Variants in DOCK1 observed in about 807,000 individuals in gnomAD.
DOCK1 encodes the protein dedicator of cytokinesis protein 1.
DOCK1 carries 138 observed loss-of-function variants against 262.7 expected under a neutral mutation model. That is an observed-to-expected ratio of 0.53 (90% CI 0.46 to 0.61). The LOEUF (loss-of-function observed/expected upper bound fraction) is 0.61, where lower values mean the gene tolerates loss of function less well. Among genes scored for constraint, DOCK1 ranks in the 20% least tolerant of loss-of-function variants. DOCK1 has a pLI of 0.00. For missense variants in DOCK1, 1,908 were observed against 2,370.7 expected, an observed-to-expected ratio of 0.80 and a Z score of 4.05; for synonymous variants, 866 against 867.4, an observed-to-expected ratio of 1.00 and a Z score of 0.03.
At chr10:126,918,289 G>A (rs1293007467) in intron 1 of DOCK1, among the ~76,000 whole-genome samples, 5 of 151,968 alleles carry the variant, frequency 3.3e-5, no homozygotes, top group South Asian at 2.1e-4. Context: ...GCTGATGCCC[G>A]GTATCCACCA....
intron 23 of DOCK1, among the ~76,000 whole-genome samples, chr10:127,103,464 GAGATGAAGAA>G (rs751356587): frequency 1.8e-4 from 27 of 152,176 alleles, no homozygotes; most frequent in Non-Finnish European, 3.8e-4. Flanking sequence ...AAGGGACAGG[GAGATGAAGAA>G]ACTGCATTGC....
At chr10:127,079,197 G>A (rs540417691) in intron 23 of DOCK1, among the ~76,000 whole-genome samples, 99 of 152,112 alleles carry the variant, frequency 6.5e-4, no homozygotes, top group Non-Finnish European at 1.1e-3. Context: ...TGCATTTACC[G>A]GTGGTGTTGG....
chr10:126,926,046 G>T (rs1261926077), intron 1 of DOCK1, among the ~76,000 whole-genome samples: 1 of 152,026 alleles, frequency 6.6e-6, no homozygotes, highest in Non-Finnish European at 1.5e-5. Flanking sequence ...GCCTCAGTTT[G>T]CACATCTGTA....
intron 19 of DOCK1, among the ~76,000 whole-genome samples, chr10:127,038,904 G>A (rs1269625544): frequency 6.6e-6 from 1 of 152,116 alleles, no homozygotes; most frequent in Non-Finnish European, 1.5e-5. Context: ...ATTTTTAGTC[G>A]ATTCTGTTTT....
chr10:127,163,563 G>A (rs2053781873), intron 27 of DOCK1, among the ~76,000 whole-genome samples: 1 of 152,140 alleles, frequency 6.6e-6, no homozygotes, highest in South Asian at 2.1e-4. Context: ...GAGTCTGTGT[G>A]AGTGCCCTTT....
At chr10:127,308,469 C>A (rs1161424150) in intron 29 of DOCK1, among the ~76,000 whole-genome samples, 1 of 152,206 alleles carries the variant, frequency 6.6e-6, no homozygotes, top group East Asian at 1.9e-4. Flanking sequence ...TCAGAAGGTG[C>A]AGGTTTGTTA....
chr10:126,971,086 T>A (rs1173931866), intron 2 of DOCK1, among the ~76,000 whole-genome samples: 1 of 151,868 alleles, frequency 6.6e-6, no homozygotes, highest in Non-Finnish European at 1.5e-5. Flanking sequence ...AGTCTTGCTC[T>A]GTCGCACAGG....
intron 23 of DOCK1, among the ~76,000 whole-genome samples, chr10:127,085,778 A>G (rs2047160925): frequency 1.3e-5 from 2 of 151,854 alleles, no homozygotes; most frequent in Admixed American, 6.6e-5. Flanking sequence ...AAAGAAAGGA[A>G]CTCTTTGCCT....
chr10:126,938,711 CA>C (rs2034722981), intron 1 of DOCK1, among the ~76,000 whole-genome samples: 1 of 151,602 alleles, frequency 6.6e-6, no homozygotes, highest in South Asian at 2.1e-4. Flanking sequence ...TCCCTGCTTC[CA>C]AAATGGCACC....
At position 126,993,520 on chromosome 10, in the gene DOCK1, G is replaced by C. The variant is rs1056265638; in HGVS notation, c.473+2917G>C. 4.3e-4 allele frequency among the ~76,000 whole-genome samples: 65 copies of C among 152,354 alleles called. 1 individual carries two copies. The highest frequency in any genetic ancestry group is 1.5e-3 in the African/African-American group (63 of 41,590). ...CGGTTCAGGGATAGGATAAGGAGTAGTATTTGGGAGGGAGGAGCTTGCTTT... is the reference window on the plus strand; with the variant it reads ...CGGTTCAGGGATAGGATAAGGAGTACTATTTGGGAGGGAGGAGCTTGCTTT... On this transcript the variant is annotated intron_variant, in intron 6 of 51. Coordinates refer to ENST00000623213, the MANE Select transcript of DOCK1 (RefSeq NM_001290223.2).
At chr10:127,438,668 T>C (rs772561905) in intron 48 of DOCK1, among the ~76,000 whole-genome samples, 18 of 152,180 alleles carry the variant, frequency 1.2e-4, no homozygotes, top group Non-Finnish European at 2.4e-4. Flanking sequence ...CATTAAAAAA[T>C]AGACAAAATA....
At chr10:127,207,176 A>G (rs1372095484) in intron 27 of DOCK1, among the ~76,000 whole-genome samples, 1 of 152,232 alleles carries the variant, frequency 6.6e-6, no homozygotes, top group African/African-American at 2.4e-5. Context: ...TATGCCAACC[A>G]GTTCTTGCTG....
At chr10:127,223,685 C>A (rs2058525736) in intron 27 of DOCK1, among the ~76,000 whole-genome samples, 1 of 152,134 alleles carries the variant, frequency 6.6e-6, no homozygotes, top group Non-Finnish European at 1.5e-5. Context: ...AAGAAACCAC[C>A]AGAGAAGACA....
At chr10:127,079,349 T>A (rs1265866202) in intron 23 of DOCK1, among the ~76,000 whole-genome samples, 1 of 152,220 alleles carries the variant, frequency 6.6e-6, no homozygotes, top group Admixed American at 6.5e-5. Flanking sequence ...TTAAACTCTG[T>A]TCTGCAATTC....
At chr10:127,389,034 G>T (rs1926431) in intron 38 of DOCK1, among the ~76,000 whole-genome samples, 1 of 152,092 alleles carries the variant, frequency 6.6e-6, no homozygotes, top group African/African-American at 2.4e-5. Context: ...CATAAAACTT[G>T]TTGGGCCTCA....
chr10:126,981,039 C>G (rs895874074), intron 3 of DOCK1, among the ~76,000 whole-genome samples: 5 of 151,802 alleles, frequency 3.3e-5, no homozygotes, highest in Non-Finnish European at 1.5e-5. Context: ...CCTCCACTTC[C>G]CGGGTTCAAG....
intron 33 of DOCK1, among the ~76,000 whole-genome samples, chr10:127,364,180 C>T (rs1037964692): frequency 2.0e-5 from 3 of 152,132 alleles, no homozygotes; most frequent in Admixed American, 6.5e-5. Flanking sequence ...ATGGCCATTT[C>T]GTCAGGGTTG....
rs2048155864 is a variant in DOCK1, at chr10:127,100,218, G to A, written c.2446-6013G>A. Among the ~76,000 whole-genome samples the A allele has an allele frequency of 6.6e-6, 1 of 152,222 alleles. No individual in the cohort carries two copies. Among genetic ancestry groups the A allele is most frequent in the South Asian group, 2.1e-4 (1 of 4,832 alleles). ...GAGGGGTCAGCGTGGAGGCAGGGAGGGCGGGTAGGAGGCTGTGGCAGCAAA... is the reference window on the plus strand; with the variant it reads ...GAGGGGTCAGCGTGGAGGCAGGGAGAGCGGGTAGGAGGCTGTGGCAGCAAA... On this transcript the variant is annotated intron_variant, in intron 23 of 51. Transcript: ENST00000623213. This position sits in a 1 kb window ranked among gnomAD's most constrained non-coding sequence, Gnocchi z 5.5.
At chr10:127,139,739 T>C (rs537982112) in intron 27 of DOCK1, among the ~76,000 whole-genome samples, 2 of 152,246 alleles carry the variant, frequency 1.3e-5, no homozygotes, top group Admixed American at 1.3e-4. Context: ...CTTCAATTCT[T>C]TCACTTCAAG....
Sources: allele counts gnomAD v4.1 joint callset (sites outside exome capture counted in the v4.1 genomes callset), GRCh38; gene constraint gnomAD v4.1.1; non-coding constraint Gnocchi (gnomAD v3.1); transcripts MANE v1.5; gene names NCBI Gene and HGNC (gene_info 2026-07-23, HGNC 2026-07-21).